The following PARN variants were observed in gnomAD, a reference collection of about 807,000 sequenced individuals.
PARN encodes poly(A)-specific ribonuclease PARN.
Under a neutral mutation model 102.8 loss-of-function variants are expected in PARN, and 71 were observed. The ratio of observed to expected loss-of-function variants is 0.69; its 90% CI spans 0.57 to 0.84. The LOEUF is 0.84. Ranked by LOEUF, PARN falls within the 40% of genes least tolerant of loss-of-function variation. The probability of loss-of-function intolerance (pLI) is 0.00; values close to 1 mark genes in which losing one functional copy is unlikely to be tolerated. For missense variants in PARN, 782 were observed against 760.9 expected (o/e 1.03, Z -0.33); for synonymous variants, 261 against 252.9 (o/e 1.03, Z -0.30).
At chr16:14,482,942 C>T (rs1963464955) in intron 21 of PARN, 115 bp from the exon 22 acceptor site, 5 of 776,432 alleles carry the variant, frequency 6.4e-6, no homozygotes, top group Non-Finnish European at 9.7e-6. Flanking sequence ...GGCCTGAGGT[C>T]TGACCCTTGG....
intron 18 of PARN, among the ~76,000 whole-genome samples, chr16:14,561,254 T>A (rs1251675994): frequency 6.6e-6 from 1 of 151,924 alleles, no homozygotes; most frequent in East Asian, 1.9e-4. Flanking sequence ...TTCAGATATA[T>A]AACTCTAGAA....
At chr16:14,505,449 C>T (rs767209354) in intron 21 of PARN, among the ~76,000 whole-genome samples, 5 of 152,018 alleles carry the variant, frequency 3.3e-5, no homozygotes, top group Non-Finnish European at 7.4e-5. Flanking sequence ...CCTGTGAATA[C>T]TGGGTAACAA....
chr16:14,481,438 A>T (rs1448133806), intron 22 of PARN, among the ~76,000 whole-genome samples: 3 of 152,240 alleles, frequency 2.0e-5, no homozygotes, highest in African/African-American at 7.2e-5. Flanking sequence ...GTAAAAATTT[A>T]AAAATGGTTG....
At chr16:14,626,740 G>A (rs986986820) in intron 5 of PARN, among the ~76,000 whole-genome samples, 1 of 151,528 alleles carries the variant, frequency 6.6e-6, no homozygotes, top group Non-Finnish European at 1.5e-5. Context: ...GCCTCCCTAA[G>A]TAGCTGGGAT....
chr16:14,613,801 C>A (rs1203491189), intron 6 of PARN, among the ~76,000 whole-genome samples: 2 of 152,162 alleles, frequency 1.3e-5, no homozygotes, highest in Admixed American at 1.3e-4. Context: ...CAAATGACAT[C>A]ACGTGCCTCC....
chr16:14,570,701 G>T (rs1479982346), intron 18 of PARN, among the ~76,000 whole-genome samples: 1 of 151,190 alleles, frequency 6.6e-6, no homozygotes, highest in Non-Finnish European at 1.5e-5. Context: ...AAAGAGGCTG[G>T]GCACCGTGGC....
intron 22 of PARN, among the ~76,000 whole-genome samples, chr16:14,458,125 C>T (rs750035433): frequency 1.3e-5 from 2 of 152,104 alleles, no homozygotes; most frequent in Non-Finnish European, 2.9e-5. Context: ...AAACAATCCC[C>T]TATTGTCAAC....
chr16:14,509,500 C>T lies in PARN; in HGVS notation c.1481-26673G>A, dbSNP rs1381862905. Among the ~76,000 whole-genome samples, 5 of 152,252 alleles carry T rather than the reference C, an allele frequency of 3.3e-5. No homozygotes were observed. In the East Asian group the frequency reaches 7.7e-4, roughly 23 times the overall value. On this transcript the variant is annotated intron_variant, in intron 21 of 23. Transcript: ENST00000437198. ...TTGAAATGGTAAAGCAGTTTAATAA[C>T]TAATCCTTTTTCATGTGAAAGGACC...
chr16:14,620,743 GA>G (rs747013346), intron 5 of PARN, among the ~76,000 whole-genome samples: 89 of 152,240 alleles, frequency 5.8e-4, no homozygotes, highest in Non-Finnish European at 1.1e-3. Flanking sequence ...CTATTCTGGG[GA>G]AAGCTATACT....
intron 12 of PARN, among the ~76,000 whole-genome samples, chr16:14,598,944 C>G (rs767509396): frequency 1.1e-4 from 17 of 151,614 alleles, no homozygotes; most frequent in Non-Finnish European, 2.2e-4. Context: ...AGACTACAGG[C>G]AATTCAGCAT....
intron 21 of PARN, among the ~76,000 whole-genome samples, chr16:14,546,939 A>C (rs773179236): frequency 3.9e-5 from 6 of 151,954 alleles, no homozygotes; most frequent in Non-Finnish European, 8.8e-5. Flanking sequence ...CTAAAAATAC[A>C]AAAATTAGCC....
chr16:14,441,445 A>G (rs1461759589), intron 23 of PARN, among the ~76,000 whole-genome samples: 1 of 152,250 alleles, frequency 6.6e-6, no homozygotes, highest in Admixed American at 6.5e-5. Flanking sequence ...GAAGCTGCAC[A>G]GGACACTGGA....
intron 22 of PARN, among the ~76,000 whole-genome samples, chr16:14,465,441 A>T (rs1245597962): frequency 6.6e-6 from 1 of 152,234 alleles, no homozygotes; most frequent in Non-Finnish European, 1.5e-5. Context: ...GAAATATAAC[A>T]ATGTTGCATG....
rs1477342485 is a variant in PARN, at chr16:14,435,896, T to A, written c.*821A>T. Reference sequence around the variant, plus strand: ...GGACATGTTGTAGATTTGCACGATTTCACACACACACACACACACACACAC... The same window carrying A: ...GGACATGTTGTAGATTTGCACGATTACACACACACACACACACACACACAC... On this transcript the variant is annotated 3_prime_UTR_variant, in exon 24 of 24. Coordinates refer to ENST00000437198, the MANE Select transcript of PARN (RefSeq NM_002582.4). The A allele has an allele frequency of 8.0e-4, 105 of 131,164 alleles. No homozygotes were observed. The highest frequency in any genetic ancestry group is 3.9e-3 in the South Asian group (13 of 3,302). The allele number at this position is 131,164 out of a possible 1,614,324, so 8.1% of individuals were successfully genotyped here.
chr16:14,501,398 G>GC (rs1445835793), intron 21 of PARN, among the ~76,000 whole-genome samples: 1 of 96,984 alleles, frequency 1.0e-5, no homozygotes, highest in Admixed American at 1.5e-4. Flanking sequence ...ACTTGATTGC[G>GC]CCACTGCACT....
chr16:14,438,053 G>C (rs1487212451), intron 23 of PARN, among the ~76,000 whole-genome samples: 2 of 152,128 alleles, frequency 1.3e-5, no homozygotes, highest in African/African-American at 4.8e-5. Context: ...GCACGTTCTG[G>C]GACACCCAGT....
intron 10 of PARN, 36 bp from the exon 11 acceptor site, chr16:14,604,262 C>CT: frequency 7.4e-7 from 1 of 1,346,788 alleles, no homozygotes; most frequent in Non-Finnish European, 1.0e-6. Context: ...ATTTTCTTTT[C>CT]TTTTTCTTTT....
intron 18 of PARN, among the ~76,000 whole-genome samples, chr16:14,558,104 T>C (rs16963777): frequency 0.043 from 6,480 of 152,244 alleles, 150 homozygotes; most frequent in African/African-American, 0.052. Flanking sequence ...TAGTCTCCAA[T>C]TCTAAACACC....
rs185742138 is a variant in PARN at position 14,551,941 on chromosome 16, T to C, written c.1480+80A>G. ...AATGAGTGTAAGCTGACTGAGCCCATAGCTTTTAAATTAAGGGGGCAGTGG... is the reference window on the plus strand; with the variant it reads ...AATGAGTGTAAGCTGACTGAGCCCACAGCTTTTAAATTAAGGGGGCAGTGG... On this transcript the variant is annotated intron_variant, in intron 21 of 23. Transcript: ENST00000437198. 197 of 861,010 alleles carry C rather than the reference T, an allele frequency of 2.3e-4. 2 individuals are homozygous for C. The East Asian group carries it at 2.7e-3, about 12-fold the overall frequency. 53.3% of individuals were successfully genotyped at this position (861,010 alleles called of 1,614,324 possible).
Sources: gnomAD v4.1 joint callset for allele counts (sites outside exome capture counted in the v4.1 genomes callset) on GRCh38, gnomAD v4.1.1 for gene constraint, MANE v1.5 for transcripts, NCBI Gene and HGNC (gene_info 2026-07-23, HGNC 2026-07-21) for gene names.